Variants in SEMA3D observed in about 807,000 individuals in gnomAD.
The protein encoded by SEMA3D is semaphorin 3D.
Under a neutral mutation model 100.1 loss-of-function variants are expected in SEMA3D, and 84 were observed. That is an observed-to-expected ratio of 0.84 (90% CI 0.70 to 1.01). The LOEUF is 1.01. Ranked by LOEUF, SEMA3D falls within the 50% of genes least tolerant of loss-of-function variation. The pLI is 0.00. For missense variants in SEMA3D, 875 were observed against 934.1 expected, an observed-to-expected ratio of 0.94 and a Z score of 0.82; for synonymous variants, 312 against 320.7, an observed-to-expected ratio of 0.97 and a Z score of 0.29.
chr7:85,182,526 C>A (rs1201102379), intron 1 of SEMA3D, among the ~76,000 whole-genome samples: 1 of 152,074 alleles, frequency 6.6e-6, no homozygotes, highest in African/African-American at 2.4e-5. Flanking sequence ...AGACAAATTC[C>A]TACCCTCAAG....
At chr7:85,103,383 T>C (rs894991644) in intron 3 of SEMA3D, among the ~76,000 whole-genome samples, 26 of 152,102 alleles carry the variant, frequency 1.7e-4, no homozygotes, top group African/African-American at 5.1e-4. Flanking sequence ...CTGGAAATTC[T>C]TGGGCATGCG....
the SEMA3D span, among the ~76,000 whole-genome samples, chr7:85,250,206 CG>C: frequency 1.4e-5 from 2 of 143,790 alleles, no homozygotes; most frequent in African/African-American, 5.1e-5. Context: ...GCACCTGGCT[CG>C]GAGGGTCCTA....
rs958268640 is a variant in SEMA3D at position 85,108,940 on chromosome 7, G to GA, written c.152-10976dup. Reference sequence around the variant, plus strand: ...ACAATAATTTAACATGCATTTACTTGAAAAAAAAAGGTGTCAAGATGAGGA... The same window carrying GA: ...ACAATAATTTAACATGCATTTACTTGAAAAAAAAAAGGTGTCAAGATGAGGA... On this transcript the variant is annotated intron_variant, in intron 3 of 18. Coordinates refer to ENST00000284136, the MANE Select transcript of SEMA3D (RefSeq NM_001384900.1). 7.4e-3 allele frequency among the ~76,000 whole-genome samples: 1,084 copies of GA among 146,854 alleles called. 8 individuals carry two copies. The highest frequency in any genetic ancestry group is 0.024 in the African/African-American group (974 of 40,028).
intron 2 of SEMA3D, among the ~76,000 whole-genome samples, chr7:85,130,006 A>G (rs1396538723): frequency 6.6e-6 from 1 of 152,130 alleles, no homozygotes; most frequent in East Asian, 1.9e-4. Context: ...TGCTAAATTT[A>G]TTAACACTAT....
intron 2 of SEMA3D, among the ~76,000 whole-genome samples, chr7:85,151,092 CCACACA>C (rs67407646): frequency 1.5e-4 from 22 of 147,224 alleles, no homozygotes; most frequent in African/African-American, 4.2e-4. Context: ...TAAAAAAAAT[CCACACA>C]CACACACACA....
intron 2 of SEMA3D, among the ~76,000 whole-genome samples, chr7:85,130,811 G>C (rs981605651): frequency 1.3e-5 from 2 of 152,046 alleles, no homozygotes; most frequent in Admixed American, 1.3e-4. Context: ...ACATATCCCA[G>C]GTCATATCTT....
intron 2 of SEMA3D, among the ~76,000 whole-genome samples, chr7:85,134,338 G>A (rs1789801075): frequency 6.6e-6 from 1 of 151,946 alleles, no homozygotes; most frequent in South Asian, 2.1e-4. Flanking sequence ...GGTTTTGACA[G>A]AAAGCCAACC....
Position 85,065,496 on chromosome 7 carries a change from T to G in SEMA3D, c.646A>C (p.Thr216Pro). 1 of 1,612,836 alleles carries G rather than the reference T, an allele frequency of 6.2e-7. No individual in the cohort carries two copies. The highest frequency in any genetic ancestry group is 8.5e-7 in the Non-Finnish European group (1 of 1,179,070). The change falls in exon 8 of 19, where the codon ACT becomes CCT. Residue 216 changes from threonine to proline, a missense_variant. Thr to Pro is a conservative substitution (Grantham distance 38, BLOSUM62 -1). Coordinates refer to ENST00000284136, the MANE Select transcript of SEMA3D (RefSeq NM_001384900.1). ...TCATGAGTAGGCCCAAGGGATCGAG[T>G]GAATGCAGTATCTTTGCCAAGGAAA... ...SDFLGKDTAF[T>P]RSLGPTHDHH...
the SEMA3D span, among the ~76,000 whole-genome samples, chr7:85,245,450 T>A: frequency 6.6e-6 from 1 of 152,172 alleles, no homozygotes; most frequent in Non-Finnish European, 1.5e-5. Flanking sequence ...AAAACAAATA[T>A]TCTAAAAGCT....
the SEMA3D span, among the ~76,000 whole-genome samples, chr7:85,244,673 T>C: frequency 6.6e-6 from 1 of 151,898 alleles, no homozygotes; most frequent in Non-Finnish European, 1.5e-5. Flanking sequence ...TAAATTATTC[T>C]TCTTCCAGGC....
At chr7:85,009,115 T>C (rs758864844) in intron 17 of SEMA3D, among the ~76,000 whole-genome samples, 2 of 151,742 alleles carry the variant, frequency 1.3e-5, no homozygotes, top group Non-Finnish European at 3.0e-5. Context: ...TTATATACCA[T>C]AGTGTTTTGA....
chr7:85,203,507 CT>C, the SEMA3D span, among the ~76,000 whole-genome samples: 405 of 152,170 alleles, frequency 2.7e-3, no homozygotes, highest in Non-Finnish European at 2.6e-3. Context: ...GTTAACAGGG[CT>C]TTTGAGCAAG....
chr7:85,231,295 T>G, the SEMA3D span, among the ~76,000 whole-genome samples: 1 of 152,134 alleles, frequency 6.6e-6, no homozygotes, highest in Non-Finnish European at 1.5e-5. Flanking sequence ...CAATGACAAA[T>G]TAATCATTAA....
chr7:85,104,038 T>A (rs1221787963), intron 3 of SEMA3D, among the ~76,000 whole-genome samples: 2 of 152,060 alleles, frequency 1.3e-5, no homozygotes, highest in Non-Finnish European at 2.9e-5. Context: ...TTACCAGAAG[T>A]CACAGGGAGA....
the SEMA3D span, among the ~76,000 whole-genome samples, chr7:85,231,641 A>G: frequency 0.024 from 3,590 of 151,884 alleles, 133 homozygotes; most frequent in East Asian, 0.16. Flanking sequence ...TAGTAGAGAC[A>G]GGGTTTCACT....
At chr7:85,138,654 T>TC in intron 2 of SEMA3D, among the ~76,000 whole-genome samples, 1 of 85,726 alleles carries the variant, frequency 1.2e-5, no homozygotes. Flanking sequence ...ATATTTAATT[T>TC]AATATATATA....
chr7:85,135,923 A>G (rs780594995), intron 2 of SEMA3D, among the ~76,000 whole-genome samples: 28 of 152,094 alleles, frequency 1.8e-4, no homozygotes, highest in Non-Finnish European at 3.2e-4. Flanking sequence ...GAATTTAAAG[A>G]CATATTTGAG....
chr7:85,162,919 T>C (rs941075960), intron 1 of SEMA3D, among the ~76,000 whole-genome samples: 1 of 152,110 alleles, frequency 6.6e-6, no homozygotes, highest in Non-Finnish European at 1.5e-5. Flanking sequence ...TCAGACTCCT[T>C]GGAAGACAGA....
At chr7:85,181,345 C>A (rs1033656060) in intron 1 of SEMA3D, among the ~76,000 whole-genome samples, 2 of 128,204 alleles carry the variant, frequency 1.6e-5, no homozygotes, top group African/African-American at 7.4e-5. Flanking sequence ...CACACACACA[C>A]ACACACACAC....
Sources: allele counts gnomAD v4.1 joint callset (sites outside exome capture counted in the v4.1 genomes callset), GRCh38; gene constraint gnomAD v4.1.1; transcripts MANE v1.5; gene names NCBI Gene and HGNC (gene_info 2026-07-23, HGNC 2026-07-21).